BICD1: variants seen among roughly 807,000 people sequenced by gnomAD.
The protein encoded by BICD1 is protein bicaudal D homolog 1.
Under a neutral mutation model 92.5 loss-of-function variants are expected in BICD1, and 35 were observed. The ratio of observed to expected loss-of-function variants is 0.38; its 90% CI spans 0.29 to 0.50. The LOEUF is 0.50. Among genes scored for constraint, BICD1 ranks in the 20% least tolerant of loss-of-function variants. The pLI is 0.93. For synonymous variants in BICD1, 429 were observed against 465.1 expected (o/e 0.92, Z 1.00); for missense variants, 950 against 1,189.8 (o/e 0.80, Z 2.97).
intron 1 of BICD1, among the ~76,000 whole-genome samples, chr12:32,143,673 A>G (rs74317726): frequency 3.3e-5 from 5 of 152,086 alleles, no homozygotes; most frequent in Non-Finnish European, 4.4e-5. Context: ...GCGAATTTCT[A>G]TGAGCGTGAT....
intron 8 of BICD1, among the ~76,000 whole-genome samples, chr12:32,348,550 C>A (rs953094343): frequency 2.4e-4 from 36 of 150,232 alleles, no homozygotes; most frequent in Middle Eastern, 3.4e-3. Flanking sequence ...CACCTAAGTC[C>A]ACCCATACAT....
chr12:32,359,868 A>G (rs1174229465), intron 8 of BICD1, among the ~76,000 whole-genome samples: 1 of 151,996 alleles, frequency 6.6e-6, no homozygotes, highest in East Asian at 1.9e-4. Context: ...ATCAACTTCC[A>G]TTTCTCCTGC....
intron 1 of BICD1, among the ~76,000 whole-genome samples, chr12:32,158,106 C>CTTTTT (rs35906528): frequency 1.6e-5 from 2 of 125,746 alleles, no homozygotes; most frequent in African/African-American, 3.0e-5. Flanking sequence ...TTTTTTTTTT[C>CTTTTT]TTTTTTTTTT....
At chr12:32,271,182 T>A (rs1192619704) in intron 2 of BICD1, among the ~76,000 whole-genome samples, 1 of 152,242 alleles carries the variant, frequency 6.6e-6, no homozygotes, top group East Asian at 1.9e-4. Flanking sequence ...ATTTTCTCCC[T>A]GAATTAGTGT....
chr12:32,332,418 A>G (rs1937919221), intron 5 of BICD1: 1 of 981,782 alleles, frequency 1.0e-6, no homozygotes. Context: ...TGTAGTCTCT[A>G]TGAATCTTCT....
intron 4 of BICD1, among the ~76,000 whole-genome samples, chr12:32,310,788 C>G (rs987122236): frequency 2.0e-5 from 3 of 152,214 alleles, no homozygotes; most frequent in Non-Finnish European, 2.9e-5. Flanking sequence ...TCAATTTCCA[C>G]TTTGCCTACA....
rs1425934757 is a variant in BICD1, at chr12:32,346,655, T to TAC, written c.2764+7677_2764+7678insCA. ...ATATACGTGTATATATATATATATA[T>TAC]ATACACACACACACGCACACACACA... On this transcript the variant is annotated intron_variant, in intron 8 of 9. Coordinates refer to ENST00000652176, the MANE Select transcript of BICD1 (RefSeq NM_001714.4). Among the ~76,000 whole-genome samples the TAC allele has an allele frequency of 7.6e-5, 2 of 26,254 alleles. 1 individual carries two copies. The allele number at this position is 26,254 out of a possible 152,430, so 17.2% of individuals were successfully genotyped here.
chr12:32,327,544 G>A lies in BICD1; in HGVS notation c.1089G>A (p.Glu363=). The part of the protein sequence containing the change: ...QLEHTKGALT[E]QHERVHRLTE... ...AACACACCAAGGGGGCACTGACGGA[G>A]CAGCATGAGCGGGTGCACCGGCTCA... The change falls in exon 5 of 10, where the codon GAG becomes GAA. Residue 363 remains glutamate, a synonymous_variant. Transcript: ENST00000652176. 1 of 1,614,194 alleles carries A rather than the reference G, an allele frequency of 6.2e-7. No homozygotes were observed. The highest frequency in any genetic ancestry group is 8.5e-7 in the Non-Finnish European group (1 of 1,180,038).
intron 2 of BICD1, among the ~76,000 whole-genome samples, chr12:32,231,080 G>C (rs2594009): frequency 0.41 from 62,684 of 151,722 alleles, 13,223 homozygotes; most frequent in Middle Eastern, 0.46. Flanking sequence ...AATGATGTCA[G>C]TTGCTCTTTA....
intron 1 of BICD1, among the ~76,000 whole-genome samples, chr12:32,210,525 T>A (rs1158434872): frequency 6.6e-6 from 1 of 152,184 alleles, no homozygotes; most frequent in Non-Finnish European, 1.5e-5. Flanking sequence ...TAAGAAGTCA[T>A]GTAAGTAGAA....
At chr12:32,139,855 T>G (rs1942851580) in intron 1 of BICD1, among the ~76,000 whole-genome samples, 1 of 152,140 alleles carries the variant, frequency 6.6e-6, no homozygotes, top group Admixed American at 6.6e-5. Context: ...CCACCGCTCC[T>G]GGCCTGGGCA....
rs1348555302 is a variant in BICD1, at chr12:32,232,304, A to G, written c.426+15845A>G. Among the ~76,000 whole-genome samples, 3 of 150,334 alleles carry G rather than the reference A, an allele frequency of 2.0e-5. No individual in the cohort carries two copies. The East Asian group carries it at 5.8e-4, about 29-fold the overall frequency. ...TCTAACTGGTGTGAGATGGTATCTCACTGTGGTTTTGATTTGCATTTCTCT... is the reference window on the plus strand; with the variant it reads ...TCTAACTGGTGTGAGATGGTATCTCGCTGTGGTTTTGATTTGCATTTCTCT... On this transcript the variant is annotated intron_variant, in intron 2 of 9. Coordinates refer to ENST00000652176, the MANE Select transcript of BICD1 (RefSeq NM_001714.4).
At chr12:32,166,142 A>ATTTATTTATTTTTTT in intron 1 of BICD1, among the ~76,000 whole-genome samples, 1 of 145,882 alleles carries the variant, frequency 6.9e-6, no homozygotes. Flanking sequence ...TTATTTATTT[A>ATTTATTTATTTTTTT]TTTATTTTTT....
At chr12:32,263,784 C>A (rs554776070) in intron 2 of BICD1, among the ~76,000 whole-genome samples, 13 of 152,208 alleles carry the variant, frequency 8.5e-5, no homozygotes, top group African/African-American at 2.9e-4. Flanking sequence ...CCATAATAAT[C>A]ATTTTAAGTT....
At chr12:32,205,213 G>T (rs899842625) in intron 1 of BICD1, among the ~76,000 whole-genome samples, 3 of 152,116 alleles carry the variant, frequency 2.0e-5, no homozygotes, top group Non-Finnish European at 4.4e-5. Context: ...TTAGGAATTT[G>T]TTCTAGGGGT....
intron 1 of BICD1, among the ~76,000 whole-genome samples, chr12:32,191,452 C>A (rs1270924225): frequency 6.6e-6 from 1 of 151,542 alleles, no homozygotes; most frequent in African/African-American, 2.4e-5. Context: ...AGGTTTGTGG[C>A]AACCCTGCAT....
At chr12:32,375,554 G>A (rs10771942) in intron 9 of BICD1, among the ~76,000 whole-genome samples, 74,994 of 151,784 alleles carry the variant, frequency 0.49, 18,720 homozygotes, top group East Asian at 0.59. Flanking sequence ...GAAACTATGC[G>A]CTATTTTCTT....
chr12:32,304,758 ATAT>A (rs1216223776), intron 3 of BICD1, among the ~76,000 whole-genome samples: 1 of 152,202 alleles, frequency 6.6e-6, no homozygotes, highest in East Asian at 1.9e-4. Flanking sequence ...TGGCTCACAC[ATAT>A]AATCCTAGCA....
chr12:32,181,840 C>G (rs1308040344), intron 1 of BICD1, among the ~76,000 whole-genome samples: 1 of 151,984 alleles, frequency 6.6e-6, no homozygotes, highest in Non-Finnish European at 1.5e-5. Context: ...CCTGTGTGTA[C>G]CTCATCAATT....
Sources: allele counts gnomAD v4.1 joint callset (sites outside exome capture counted in the v4.1 genomes callset), GRCh38; gene constraint gnomAD v4.1.1; transcripts MANE v1.5; gene names NCBI Gene and HGNC (gene_info 2026-07-23, HGNC 2026-07-21).